Variants in ERICH6B observed in about 807,000 individuals in gnomAD.
ERICH6B encodes the protein glutamate rich 6B.
Under a neutral mutation model 80.0 loss-of-function variants are expected in ERICH6B, and 69 were observed. The observed-to-expected ratio is 0.86, with a 90% CI of 0.71 to 1.05. The LOEUF is 1.05. ERICH6B is among the 50% of genes least tolerant of loss of function. ERICH6B has a pLI of 0.00. For missense variants in ERICH6B, 754 were observed against 796.1 expected (o/e 0.95, Z 0.64); for synonymous variants, 283 against 291.9 (o/e 0.97, Z 0.31).
intron 11 of ERICH6B, chr13:45,552,956 G>T: frequency 5.4e-6 from 1 of 185,910 alleles, no homozygotes. Context: ...GATATTCTTT[G>T]CATGATTTAA....
At chr13:45,555,885 C>G (rs1289504564) in intron 11 of ERICH6B, among the ~76,000 whole-genome samples, 1 of 151,186 alleles carries the variant, frequency 6.6e-6, no homozygotes, top group African/African-American at 2.4e-5. Context: ...CTTGGGCACC[C>G]AAGCTAATTT....
intron 7 of ERICH6B, among the ~76,000 whole-genome samples, chr13:45,577,733 C>CA (rs1875480984): frequency 6.6e-6 from 1 of 152,282 alleles, no homozygotes; most frequent in Admixed American, 6.5e-5. Flanking sequence ...GCTGGGATTA[C>CA]AGGCACACAC....
At chr13:45,546,617 G>T (rs1332557147) in intron 13 of ERICH6B, among the ~76,000 whole-genome samples, 3 of 152,098 alleles carry the variant, frequency 2.0e-5, no homozygotes, top group Non-Finnish European at 2.9e-5. Context: ...GGGAGGTTTT[G>T]GTGCAGAGAT....
At chr13:45,604,349 A>G (rs966106107) in intron 2 of ERICH6B, among the ~76,000 whole-genome samples, 3 of 152,202 alleles carry the variant, frequency 2.0e-5, no homozygotes, top group Non-Finnish European at 4.4e-5. Context: ...AACCACTGAT[A>G]CAAATGTCCA....
In ERICH6B at chr13:45,549,742, C is replaced by G. The variant is rs370856641; in HGVS notation, c.1646+151G>C. 361 of 845,462 alleles carry G rather than the reference C, an allele frequency of 4.3e-4. 4 individuals are homozygous for G. Among genetic ancestry groups the G allele is most frequent in the South Asian group, 3.0e-3 (158 of 52,726 alleles). 52.4% of individuals were successfully genotyped at this position (845,462 alleles called of 1,614,324 possible). A position where few individuals can be genotyped will look rare whatever the true frequency, so the allele number is the denominator to read the frequency against. ...TCGTGCCTCCTCTGTGGTCAGGGAC[C>G]TCATGGACTGGTCCATCATGGTGCT... On this transcript the variant is annotated intron_variant, in intron 13 of 14. Transcript: ENST00000298738.
intron 14 of ERICH6B, 98 bp downstream of exon 14, chr13:45,544,662 G>T: frequency 1.9e-6 from 2 of 1,034,198 alleles, no homozygotes; most frequent in Non-Finnish European, 2.9e-6. Flanking sequence ...TATAGAACAA[G>T]CCTGGAGGCC....
chr13:45,564,142 A>G (rs935436693), intron 9 of ERICH6B, among the ~76,000 whole-genome samples: 6 of 152,132 alleles, frequency 3.9e-5, no homozygotes, highest in African/African-American at 1.4e-4. Context: ...GATGGATTTG[A>G]TTTTCTGCAG....
In ERICH6B at chr13:45,574,811, G is replaced by GGC. The variant is rs759173441; in HGVS notation, c.1050+30_1050+31insGC. On this transcript the variant is annotated intron_variant, in intron 8 of 14. Coordinates refer to ENST00000298738, the MANE Select transcript of ERICH6B (RefSeq NM_182542.3). ...CCACCCTACATTTGGAGGAAGCTGG[G>GGC]GGGGGGGTCTCAAGTTTTTATCCAA... The GGC allele has an allele frequency of 1.8e-4, 270 of 1,487,454 alleles. 1 individual carries two copies. The African/African-American group carries it at 3.9e-3, about 21-fold the overall frequency. The allele number at this position is 1,487,454 out of a possible 1,614,324, so 92.1% of individuals were successfully genotyped here.
At chr13:45,602,165 C>T (rs1424267693) in intron 2 of ERICH6B, among the ~76,000 whole-genome samples, 1 of 152,176 alleles carries the variant, frequency 6.6e-6, no homozygotes, top group African/African-American at 2.4e-5. Flanking sequence ...ATTCTGGGTC[C>T]TAGTGGCTGG....
intron 14 of ERICH6B, among the ~76,000 whole-genome samples, chr13:45,543,563 C>T (rs1364477212): frequency 1.3e-5 from 2 of 152,110 alleles, no homozygotes; most frequent in Non-Finnish European, 2.9e-5. Context: ...GTGATGCCAC[C>T]ACAAGCCAAG....
At chr13:45,545,258 C>T (rs1873948960) in intron 13 of ERICH6B, among the ~76,000 whole-genome samples, 1 of 152,156 alleles carries the variant, frequency 6.6e-6, no homozygotes, top group Admixed American at 6.5e-5. Flanking sequence ...CATGCTCTGC[C>T]CTCTGCCTGC....
At chr13:45,608,814 G>T (rs1179987158) in intron 1 of ERICH6B, among the ~76,000 whole-genome samples, 3 of 152,160 alleles carry the variant, frequency 2.0e-5, no homozygotes, top group Admixed American at 6.5e-5. Flanking sequence ...AACCTTTAGG[G>T]ATTTCTTTTG....
chr13:45,598,437 G>T (rs980262683), intron 2 of ERICH6B, among the ~76,000 whole-genome samples: 2 of 152,054 alleles, frequency 1.3e-5, no homozygotes, highest in African/African-American at 4.8e-5. Flanking sequence ...AGAGGCAACC[G>T]GACCAGAATC....
At position 45,541,565 on chromosome 13, in the gene ERICH6B, T is replaced by C; in HGVS notation, c.1988A>G (p.Asn663Ser). The C allele has an allele frequency of 6.4e-7, 1 of 1,552,020 alleles. No individual in the cohort carries two copies. The highest frequency in any genetic ancestry group is 1.2e-5 in the South Asian group (1 of 84,064). Reference protein sequence around the residue: ...VLLGKMNRLLNYATTPDLENF... With the variant: ...VLLGKMNRLLSYATTPDLENF... ...TTCCAGATCAGGGGTGGTCGCGTAA[T>C]TCAGGAGCCTATTCATTTTCCCCAG... Residue 663 changes from asparagine (N) to serine (S), a missense_variant, in exon 15 of 15, where the codon AAT becomes AGT. Coordinates refer to ENST00000298738, the MANE Select transcript of ERICH6B (RefSeq NM_182542.3).
At chr13:45,587,019 C>CA (rs1875933549) in intron 5 of ERICH6B, 44 bp downstream of exon 5, 1 of 1,526,018 alleles carries the variant, frequency 6.6e-7, no homozygotes. Context: ...CCCTGGCCCA[C>CA]AGAGCCCGGC....
Position 45,593,257 on chromosome 13 carries a change from C to T in ERICH6B, c.638-2560G>A, listed in dbSNP as rs150931856. On this transcript the variant is annotated intron_variant, in intron 3 of 14. Transcript: ENST00000298738. ...GGCTATGGGAATCTCTGAAGTTGAC[C>T]GCTATAGGGTAGATGAGTGGAGGGT... Among the ~76,000 whole-genome samples the T allele has an allele frequency of 7.6e-4, 115 of 152,124 alleles. 1 individual carries two copies. The East Asian group carries it at 0.015, about 19-fold the overall frequency.
At chr13:45,597,954 A>G (rs1876472055) in intron 2 of ERICH6B, among the ~76,000 whole-genome samples, 1 of 152,136 alleles carries the variant, frequency 6.6e-6, no homozygotes, top group Non-Finnish European at 1.5e-5. Context: ...GACCCCTGCC[A>G]CTGCTCTGCT....
chr13:45,590,453 T>C (rs1184839656), intron 4 of ERICH6B, among the ~76,000 whole-genome samples, 196 bp downstream of exon 4: 1 of 152,032 alleles, frequency 6.6e-6, no homozygotes, highest in East Asian at 1.9e-4. Context: ...AGGACTCTGA[T>C]CTTGGGACCT....
chr13:45,582,761 C>G (rs1463107885), intron 5 of ERICH6B, among the ~76,000 whole-genome samples: 1 of 152,198 alleles, frequency 6.6e-6, no homozygotes, highest in Admixed American at 6.5e-5. Flanking sequence ...CCTAATATAT[C>G]TCTATCTTGT....
Sources: gnomAD v4.1 joint callset for allele counts (sites outside exome capture counted in the v4.1 genomes callset) on GRCh38, gnomAD v4.1.1 for gene constraint, MANE v1.5 for transcripts, NCBI Gene and HGNC (gene_info 2026-07-23, HGNC 2026-07-21) for gene names.